Variants in KLRG1 observed in about 807,000 individuals in gnomAD.
KLRG1 encodes killer cell lectin-like receptor subfamily G member 1.
KLRG1 carries 16 observed loss-of-function variants against 21.8 expected under a neutral mutation model. The observed-to-expected ratio is 0.73, with a 90% CI of 0.50 to 1.11. The LOEUF is 1.11. KLRG1 is among the 50% of genes most tolerant of loss of function. KLRG1 has a pLI of 0.00. For synonymous variants in KLRG1, 69 were observed against 75.9 expected (o/e 0.91, Z 0.47); for missense variants, 173 against 218.3 (o/e 0.79, Z 1.31).
At chr12:9,009,353 T>C in intron 4 of KLRG1, 73 bp from the exon 5 acceptor site, 2 of 1,568,256 alleles carry the variant, frequency 1.3e-6, no homozygotes, top group Admixed American at 3.6e-5. Flanking sequence ...GCTTCATTTT[T>C]ATCCCTTCAT....
At chr12:8,956,159 G>A (rs771368925) in intron 1 of KLRG1, among the ~76,000 whole-genome samples, 5 of 152,304 alleles carry the variant, frequency 3.3e-5, no homozygotes, top group Non-Finnish European at 5.9e-5. Flanking sequence ...GGGACCTGCC[G>A]AACAGCGGGT....
At chr12:9,079,490 G>A in the KLRG1 span, 1 of 1,027,620 alleles carries the variant, frequency 9.7e-7, no homozygotes, top group Non-Finnish European at 1.4e-6. Context: ...GGAGGTTGGA[G>A]AGTGGATAGT....
At chr12:9,144,791 G>A in the KLRG1 span, among the ~76,000 whole-genome samples, 4 of 152,164 alleles carry the variant, frequency 2.6e-5, no homozygotes, top group African/African-American at 7.2e-5. Flanking sequence ...GGCCGGAGGG[G>A]AGGTTATCTT....
At chr12:9,172,030 C>G in the KLRG1 span, among the ~76,000 whole-genome samples, 1 of 152,124 alleles carries the variant, frequency 6.6e-6, no homozygotes, top group Non-Finnish European at 1.5e-5. Context: ...AACCCAAAGA[C>G]ACAAAATCAT....
chr12:9,072,391 G>A, the KLRG1 span: 1 of 1,613,892 alleles, frequency 6.2e-7, no homozygotes, highest in Non-Finnish European at 8.5e-7. Flanking sequence ...AGCTGGTGTG[G>A]GCTTTGGGTT....
the KLRG1 span, among the ~76,000 whole-genome samples, chr12:9,047,868 G>A: frequency 2.6e-5 from 4 of 152,132 alleles, no homozygotes. Flanking sequence ...AAAATATGTG[G>A]AGGCAAAAAC....
At chr12:9,154,785 A>G in the KLRG1 span, 1 of 1,614,112 alleles carries the variant, frequency 6.2e-7, no homozygotes, top group South Asian at 1.1e-5. Context: ...GGTTTGGTAA[A>G]GATGCCCCAC....
chr12:9,160,705 G>C, the KLRG1 span, among the ~76,000 whole-genome samples: 7 of 152,114 alleles, frequency 4.6e-5, no homozygotes, highest in Admixed American at 4.6e-4. Context: ...ATGAGGTCAG[G>C]ATATCGAGAC....
the KLRG1 span, among the ~76,000 whole-genome samples, chr12:9,074,115 A>G: frequency 6.8e-6 from 1 of 148,062 alleles, no homozygotes; most frequent in Non-Finnish European, 1.5e-5. Flanking sequence ...AAAGGTGAAT[A>G]GGGGAAGCAC....
chr12:8,979,914 T>G (rs878937559), intron 1 of KLRG1, among the ~76,000 whole-genome samples: 4 of 152,172 alleles, frequency 2.6e-5, no homozygotes, highest in Admixed American at 6.5e-5. Context: ...TTTTGTTTTT[T>G]GTTTGAGTTG....
chr12:9,127,080 T>G, the KLRG1 span, among the ~76,000 whole-genome samples: 4 of 152,316 alleles, frequency 2.6e-5, no homozygotes, highest in African/African-American at 4.8e-5. Context: ...CTTCTTCCTA[T>G]CCCTTTATTA....
At chr12:9,172,412 A>G in the KLRG1 span, among the ~76,000 whole-genome samples, 3 of 152,152 alleles carry the variant, frequency 2.0e-5, no homozygotes, top group Admixed American at 6.5e-5. Flanking sequence ...AGGCCAGAAC[A>G]CTATGAAGCA....
the KLRG1 span, among the ~76,000 whole-genome samples, chr12:9,082,113 G>T: frequency 0.03 from 4,536 of 152,264 alleles, 77 homozygotes; most frequent in South Asian, 0.048. Flanking sequence ...TGCTTGACCT[G>T]GGAGTCTAAA....
At chr12:9,074,116 G>A in the KLRG1 span, among the ~76,000 whole-genome samples, 2 of 150,126 alleles carry the variant, frequency 1.3e-5, no homozygotes, top group East Asian at 3.9e-4. Flanking sequence ...AAGGTGAATA[G>A]GGGAAGCACA....
At chr12:9,050,853 C>T in the KLRG1 span, among the ~76,000 whole-genome samples, 5 of 152,324 alleles carry the variant, frequency 3.3e-5, no homozygotes, top group East Asian at 3.9e-4. Flanking sequence ...CACTCCTGTT[C>T]GCAAGCTCAG....
At chr12:9,083,444 A>C in the KLRG1 span, among the ~76,000 whole-genome samples, 2 of 152,118 alleles carry the variant, frequency 1.3e-5, no homozygotes, top group Non-Finnish European at 2.9e-5. Flanking sequence ...TAAAATAAAA[A>C]ATAAATAGAA....
At position 8,993,322 on chromosome 12, in the gene KLRG1, A is replaced by C. The variant is rs746368326; in HGVS notation, c.187+1012A>C. Among the ~76,000 whole-genome samples the C allele has an allele frequency of 3.6e-4, 55 of 152,026 alleles. 1 individual carries two copies. Among genetic ancestry groups the C allele is most frequent in the African/African-American group, 1.3e-3 (54 of 41,472 alleles). ...TAAAAATTTTGAGACAGAATCTCGC[A>C]ATGTTGTTTGGGCTGGAGTGCAATG... is the stretch of plus-strand genomic sequence containing the variant. On this transcript the variant is annotated intron_variant, in intron 2 of 4. Transcript: ENST00000356986.
the KLRG1 span, among the ~76,000 whole-genome samples, chr12:9,076,055 T>G: frequency 1.3e-5 from 2 of 152,228 alleles, no homozygotes; most frequent in Non-Finnish European, 2.9e-5. Flanking sequence ...CCATGGTATA[T>G]GTAGAAGTAC....
At chr12:8,967,282 A>G (rs746548880) in intron 1 of KLRG1, among the ~76,000 whole-genome samples, 55 of 152,106 alleles carry the variant, frequency 3.6e-4, no homozygotes, top group African/African-American at 1.3e-3. Context: ...ACATGTATAC[A>G]TATGTAACAA....
Sources: gnomAD v4.1 joint callset for allele counts (sites outside exome capture counted in the v4.1 genomes callset) on GRCh38, gnomAD v4.1.1 for gene constraint, MANE v1.5 for transcripts, NCBI Gene and HGNC (gene_info 2026-07-23, HGNC 2026-07-21) for gene names.